SLC5A4: variants seen among roughly 807,000 people sequenced by gnomAD.
SLC5A4 encodes probable glucose sensor protein SLC5A4.
Under a neutral mutation model 70.3 loss-of-function variants are expected in SLC5A4, and 55 were observed. That is an observed-to-expected ratio of 0.78 (90% CI 0.63 to 0.98). SLC5A4 has a LOEUF of 0.98. Among genes scored for constraint, SLC5A4 ranks in the 50% least tolerant of loss-of-function variants. SLC5A4 has a pLI of 0.00. For synonymous variants in SLC5A4, 268 were observed against 305.7 expected, an observed-to-expected ratio of 0.88 and a Z score of 1.29; for missense variants, 735 against 839.2, an observed-to-expected ratio of 0.88 and a Z score of 1.53.
the SLC5A4 span, among the ~76,000 whole-genome samples, chr22:32,328,089 A>ACACAC: frequency 1.3e-5 from 1 of 78,196 alleles, no homozygotes; most frequent in Non-Finnish European, 4.3e-5. Context: ...CAGAGCCCCC[A>ACACAC]ACACACAAAC....
the SLC5A4 span, among the ~76,000 whole-genome samples, chr22:32,329,933 G>C: frequency 1.8e-5 from 1 of 54,708 alleles, no homozygotes; most frequent in Non-Finnish European, 3.5e-5. Flanking sequence ...GCTCTGGTGT[G>C]TGTGTTGGGG....
At chr22:32,324,323 G>C in the SLC5A4 span, among the ~76,000 whole-genome samples, 1 of 150,114 alleles carries the variant, frequency 6.7e-6, no homozygotes, top group East Asian at 1.9e-4. Context: ...TGCAGAAAAT[G>C]AAATATTTCA....
At chr22:32,331,734 G>A in the SLC5A4 span, among the ~76,000 whole-genome samples, 10 of 152,204 alleles carry the variant, frequency 6.6e-5, no homozygotes, top group East Asian at 5.8e-4. Flanking sequence ...TCGCAGGAGC[G>A]ACAGGCGGAG....
At chr22:32,318,021 C>CT in the SLC5A4 span, among the ~76,000 whole-genome samples, 6 of 152,104 alleles carry the variant, frequency 3.9e-5, no homozygotes, top group Admixed American at 6.5e-5. Context: ...CTCAGTCCCC[C>CT]TTTCACTCAT....
chr22:32,354,815 G>A, the SLC5A4 span: 5 of 152,442 alleles, frequency 3.3e-5, no homozygotes, highest in Admixed American at 6.5e-5. Flanking sequence ...AGTACGGCCT[G>A]GGATGGCGAA....
the SLC5A4 span, among the ~76,000 whole-genome samples, chr22:32,285,376 G>C: frequency 6.6e-6 from 1 of 152,166 alleles, no homozygotes; most frequent in African/African-American, 2.4e-5. Context: ...CAGTGCATAA[G>C]AGTACCCTTT....
Position 32,229,241 on chromosome 22 carries a change from G to A in SLC5A4, c.1233C>T (p.Thr411=). 6.2e-7 allele frequency: 1 copy of A among 1,614,132 alleles called. No homozygotes were observed. The highest frequency in any genetic ancestry group is 8.5e-7 in the Non-Finnish European group (1 of 1,180,004). ...ASTLFTIDLY[T]KMRKQASEKE... is the part of the protein sequence containing the mutation. ...TCTCCGACGCTTGCTTCCGCATCTT[G>A]GTGTAGAGGTCAATGGTGAAGAGGG... The change falls in exon 11 of 15, where the codon ACC becomes ACT. Residue 411 remains threonine (T), a synonymous_variant. Coordinates refer to ENST00000266086, the MANE Select transcript of SLC5A4 (RefSeq NM_014227.3).
chr22:32,240,258 C>T (rs1318026408), intron 5 of SLC5A4, among the ~76,000 whole-genome samples: 1 of 152,126 alleles, frequency 6.6e-6, no homozygotes, highest in East Asian at 1.9e-4. Context: ...ACATGTGTCT[C>T]TGACCCTCCT....
chr22:32,312,379 ACACACACG>A, the SLC5A4 span, among the ~76,000 whole-genome samples: 1 of 137,168 alleles, frequency 7.3e-6, no homozygotes, highest in Non-Finnish European at 1.6e-5. Flanking sequence ...ACACACACAC[ACACACACG>A]CACATTCAAT....
At chr22:32,276,052 T>A in the SLC5A4 span, among the ~76,000 whole-genome samples, 1 of 152,214 alleles carries the variant, frequency 6.6e-6, no homozygotes, top group African/African-American at 2.4e-5. Context: ...TCGCCACAAT[T>A]TTTTTAAAGA....
intron 5 of SLC5A4, among the ~76,000 whole-genome samples, chr22:32,244,658 G>T (rs1200322907): frequency 6.6e-6 from 1 of 152,046 alleles, no homozygotes; most frequent in Non-Finnish European, 1.5e-5. Flanking sequence ...AGCCAAAGTA[G>T]CTGGGACAAT....
the SLC5A4 span, among the ~76,000 whole-genome samples, chr22:32,279,015 G>A: frequency 6.6e-6 from 1 of 152,126 alleles, no homozygotes; most frequent in Non-Finnish European, 1.5e-5. Context: ...GGTGGCTCAC[G>A]CCTGTAATCC....
the SLC5A4 span, among the ~76,000 whole-genome samples, chr22:32,295,350 T>C: frequency 9.3e-6 from 1 of 107,578 alleles, no homozygotes; most frequent in Non-Finnish European, 2.0e-5. Context: ...TTTTAATGAT[T>C]GCCATTCTAA....
At chr22:32,246,024 C>T (rs1463594992) in intron 5 of SLC5A4, among the ~76,000 whole-genome samples, 1 of 152,220 alleles carries the variant, frequency 6.6e-6, no homozygotes, top group African/African-American at 2.4e-5. Context: ...CAATGCCATC[C>T]ATCAGGGAGC....
the SLC5A4 span, among the ~76,000 whole-genome samples, chr22:32,327,939 A>G: frequency 6.6e-6 from 1 of 152,166 alleles, no homozygotes; most frequent in African/African-American, 2.4e-5. Flanking sequence ...ATGTTTAACC[A>G]GAGTCCTACA....
At chr22:32,230,724 T>C (rs981606479) in intron 10 of SLC5A4, among the ~76,000 whole-genome samples, 1 of 152,268 alleles carries the variant, frequency 6.6e-6, no homozygotes, top group African/African-American at 2.4e-5. Flanking sequence ...TAATTTGTTC[T>C]TGGCTGCCTC....
chr22:32,293,224 A>G, the SLC5A4 span, among the ~76,000 whole-genome samples: 72,797 of 151,884 alleles, frequency 0.48, 17,598 homozygotes, highest in Admixed American at 0.51. Context: ...TGGTTTTTAA[A>G]AAATCCTATC....
At chr22:32,351,759 T>TGGGGGGGG in the SLC5A4 span, among the ~76,000 whole-genome samples, 29 of 8,426 alleles carry the variant, frequency 3.4e-3, no homozygotes, top group African/African-American at 5.9e-3. Context: ...GGGGGGGGGG[T>TGGGGGGGG]GGGCGGGTGG....
the SLC5A4 span, among the ~76,000 whole-genome samples, chr22:32,321,909 A>G: frequency 6.6e-6 from 1 of 152,268 alleles, no homozygotes; most frequent in Non-Finnish European, 1.5e-5. Flanking sequence ...GGTCTTGCAC[A>G]TAAAACGTTG....
Sources: allele counts gnomAD v4.1 joint callset (sites outside exome capture counted in the v4.1 genomes callset), GRCh38; gene constraint gnomAD v4.1.1; transcripts MANE v1.5; gene names NCBI Gene and HGNC (gene_info 2026-07-23, HGNC 2026-07-21).